Variants in SPOCK3 observed in about 807,000 individuals in gnomAD.
SPOCK3 encodes the protein testican-3.
A neutral mutation model predicts 56.6 loss-of-function variants in SPOCK3; 30 were observed. The ratio of observed to expected loss-of-function variants is 0.53; its 90% CI spans 0.40 to 0.72. The LOEUF (loss-of-function observed/expected upper bound fraction) is 0.72, where lower values mean the gene tolerates loss of function less well. Ranked by LOEUF, SPOCK3 falls within the 30% of genes least tolerant of loss-of-function variation. The pLI is 0.00. For synonymous variants in SPOCK3, 196 were observed against 183.3 expected, an observed-to-expected ratio of 1.07 and a Z score of -0.56; for missense variants, 527 against 530.0, an observed-to-expected ratio of 0.99 and a Z score of 0.06.
chr4:167,231,542 G>C (rs908774789), intron 2 of SPOCK3, among the ~76,000 whole-genome samples: 20 of 152,158 alleles, frequency 1.3e-4, no homozygotes, highest in Non-Finnish European at 1.9e-4. Flanking sequence ...AACATTTAAA[G>C]GTAGATTCAT....
chr4:166,950,257 G>T (rs1342470700), intron 4 of SPOCK3, among the ~76,000 whole-genome samples: 4 of 151,062 alleles, frequency 2.6e-5, no homozygotes, highest in Non-Finnish European at 5.9e-5. Flanking sequence ...CAAGCAAATG[G>T]AAAACAAAAA....
chr4:167,058,710 T>G (rs997972198), intron 3 of SPOCK3, among the ~76,000 whole-genome samples: 1 of 151,928 alleles, frequency 6.6e-6, no homozygotes, highest in East Asian at 1.9e-4. Context: ...CTAAGCCAAA[T>G]GAACAAAGCT....
intron 2 of SPOCK3, among the ~76,000 whole-genome samples, chr4:167,153,256 T>C (rs1764558070): frequency 6.6e-6 from 1 of 152,174 alleles, no homozygotes; most frequent in East Asian, 1.9e-4. Context: ...CTTCCTGACA[T>C]GCACTTAGCG....
rs1317291540 is a variant in SPOCK3 at position 167,191,134 on chromosome 4, T to C, written c.189+42851A>G. Among the ~76,000 whole-genome samples the C allele has an allele frequency of 1.4e-5, 2 of 146,048 alleles. 1 individual carries two copies. Among genetic ancestry groups the C allele is most frequent in the Non-Finnish European group, 3.0e-5 (2 of 66,820 alleles). On this transcript the variant is annotated intron_variant, in intron 2 of 10. Transcript: ENST00000357545. Reference sequence around the variant, plus strand: ...GTCTTTTGTGGTTTCATACACAGTATAGGATTGTTTTTTTATTTTCTATTT... The same window carrying C: ...GTCTTTTGTGGTTTCATACACAGTACAGGATTGTTTTTTTATTTTCTATTT...
chr4:166,914,982 A>C (rs1452049270), intron 4 of SPOCK3, among the ~76,000 whole-genome samples: 6 of 152,062 alleles, frequency 3.9e-5, no homozygotes, highest in African/African-American at 1.4e-4. Context: ...TGAGTGTATC[A>C]ATAAAAATGG....
At chr4:167,121,698 A>G (rs1580360104) in intron 2 of SPOCK3, among the ~76,000 whole-genome samples, 1 of 152,144 alleles carries the variant, frequency 6.6e-6, no homozygotes, top group Admixed American at 6.6e-5. Flanking sequence ...ATGTTCATCT[A>G]CTAGCTCCCC....
At chr4:167,218,303 G>A (rs561726904) in intron 2 of SPOCK3, among the ~76,000 whole-genome samples, 6 of 152,100 alleles carry the variant, frequency 3.9e-5, no homozygotes, top group South Asian at 4.1e-4. Flanking sequence ...ATGTTTTGAC[G>A]TTTTACTTGA....
At chr4:166,934,749 G>A (rs2150003996) in intron 4 of SPOCK3, among the ~76,000 whole-genome samples, 1 of 152,176 alleles carries the variant, frequency 6.6e-6, no homozygotes, top group East Asian at 1.9e-4. Context: ...TACATTTCTA[G>A]AAGCAAATTT....
At chr4:166,906,703 T>C (rs1388339249) in intron 5 of SPOCK3, among the ~76,000 whole-genome samples, 1 of 151,950 alleles carries the variant, frequency 6.6e-6, no homozygotes, top group African/African-American at 2.4e-5. Context: ...AGGCTCTAAT[T>C]CAGTGAGAAA....
At chr4:166,814,031 A>G (rs1298473576) in intron 6 of SPOCK3, among the ~76,000 whole-genome samples, 16 of 152,086 alleles carry the variant, frequency 1.1e-4, no homozygotes, top group Admixed American at 1.0e-3. Flanking sequence ...AGTTTACAGG[A>G]ACAATATCCC....
intron 2 of SPOCK3, among the ~76,000 whole-genome samples, chr4:167,066,385 G>T (rs991435329): frequency 6.6e-6 from 1 of 151,930 alleles, no homozygotes; most frequent in South Asian, 2.1e-4. Context: ...AAAGGGAAGT[G>T]TAACAAGTTA....
In SPOCK3 at chr4:166,863,502, A is replaced by G. The variant is rs557002301; in HGVS notation, c.589+25628T>C. 5.3e-5 allele frequency among the ~76,000 whole-genome samples: 8 copies of G among 152,272 alleles called. No homozygotes were observed. The East Asian group carries it at 1.5e-3, about 29-fold the overall frequency. ...AAGATAGAGACTGGCAAATTGGATA[A>G]AGAGTCAAGACCCATCAGTGGGCTG... is the stretch of plus-strand genomic sequence containing the variant. On this transcript the variant is annotated intron_variant, in intron 6 of 10. Coordinates refer to ENST00000357545, the MANE Select transcript of SPOCK3 (RefSeq NM_001040159.2).
intron 2 of SPOCK3, among the ~76,000 whole-genome samples, chr4:167,160,738 A>T (rs28825393): frequency 0.12 from 18,553 of 152,158 alleles, 1,335 homozygotes; most frequent in East Asian, 0.2. Context: ...ATAATGCCAC[A>T]TAGCTACAAC....
chr4:167,097,819 A>G (rs1270764928), intron 2 of SPOCK3, among the ~76,000 whole-genome samples: 1 of 152,030 alleles, frequency 6.6e-6, no homozygotes, highest in Non-Finnish European at 1.5e-5. Context: ...GGTGGAATGG[A>G]AAAAGAAAAT....
intron 2 of SPOCK3, among the ~76,000 whole-genome samples, chr4:167,178,411 C>T (rs1261164357): frequency 6.6e-6 from 1 of 152,140 alleles, no homozygotes; most frequent in Non-Finnish European, 1.5e-5. Context: ...AAAAAGCCTC[C>T]TAAGTGAAAA....
chr4:166,766,693 C>T (rs191969938), intron 7 of SPOCK3, among the ~76,000 whole-genome samples: 1 of 152,144 alleles, frequency 6.6e-6, no homozygotes, highest in Non-Finnish European at 1.5e-5. Context: ...CACAATGATG[C>T]TGAACTCATA....
chr4:166,781,616 A>G (rs766002638), intron 7 of SPOCK3, among the ~76,000 whole-genome samples: 1 of 152,142 alleles, frequency 6.6e-6, no homozygotes, highest in Non-Finnish European at 1.5e-5. Flanking sequence ...TTAATTTAGA[A>G]TTCTCCAAAA....
intron 5 of SPOCK3, among the ~76,000 whole-genome samples, chr4:166,891,594 T>C (rs186321320): frequency 1.3e-5 from 2 of 152,104 alleles, no homozygotes; most frequent in Non-Finnish European, 2.9e-5. Flanking sequence ...AAAAAAGATT[T>C]TGTCAGTAAA....
intron 6 of SPOCK3, among the ~76,000 whole-genome samples, chr4:166,871,865 C>T (rs1732518004): frequency 6.7e-6 from 1 of 150,282 alleles, no homozygotes; most frequent in Non-Finnish European, 1.5e-5. Context: ...AGAAGTAAGC[C>T]TGGTTCAGCA....
Sources: allele counts gnomAD v4.1 joint callset (sites outside exome capture counted in the v4.1 genomes callset), GRCh38; gene constraint gnomAD v4.1.1; transcripts MANE v1.5; gene names NCBI Gene and HGNC (gene_info 2026-07-23, HGNC 2026-07-21).